Variants in NEDD4L observed in about 807,000 individuals in gnomAD.
The protein encoded by NEDD4L is NEDD4 like E3 ubiquitin protein ligase.
In NEDD4L, 54 loss-of-function variants were observed where a neutral mutation model predicts 148.9. The ratio of observed to expected loss-of-function variants is 0.36; its 90% CI spans 0.29 to 0.45. The LOEUF is 0.45. Among genes scored for constraint, NEDD4L ranks in the 20% least tolerant of loss-of-function variants. The pLI is 1.00. For synonymous variants in NEDD4L, 433 were observed against 440.7 expected, an observed-to-expected ratio of 0.98 and a Z score of 0.22; for missense variants, 856 against 1,233.8, an observed-to-expected ratio of 0.69 and a Z score of 4.59.
intron 1 of NEDD4L, among the ~76,000 whole-genome samples, chr18:58,152,666 C>G (rs944458453): frequency 6.6e-6 from 1 of 152,170 alleles, no homozygotes; most frequent in Non-Finnish European, 1.5e-5. Context: ...TCTGGAGATT[C>G]GGATTCTGGA....
intron 1 of NEDD4L, among the ~76,000 whole-genome samples, chr18:58,083,666 C>T (rs933312245): frequency 1.3e-4 from 19 of 147,150 alleles, no homozygotes; most frequent in South Asian, 2.3e-4. Context: ...CCAGCCTGGG[C>T]GACAGAGCGA....
At chr18:58,326,802 A>G (rs2059349607) in intron 9 of NEDD4L, among the ~76,000 whole-genome samples, 1 of 152,220 alleles carries the variant, frequency 6.6e-6, no homozygotes, top group Non-Finnish European at 1.5e-5. Context: ...TTGGGGACAA[A>G]TAGGGATAAT....
At chr18:58,216,754 G>A (rs935951889) in intron 2 of NEDD4L, among the ~76,000 whole-genome samples, 4 of 152,136 alleles carry the variant, frequency 2.6e-5, no homozygotes, top group African/African-American at 9.7e-5. Context: ...GTGTGAAGAT[G>A]GTGGTAGAGG....
chr18:58,068,611 GA>G (rs2082725559), intron 1 of NEDD4L, among the ~76,000 whole-genome samples: 1 of 152,228 alleles, frequency 6.6e-6, no homozygotes, highest in African/African-American at 2.4e-5. Flanking sequence ...GAGAGAGCTA[GA>G]TGAGGAAGGA....
At chr18:58,137,547 A>C (rs892644822) in intron 1 of NEDD4L, among the ~76,000 whole-genome samples, 1 of 152,146 alleles carries the variant, frequency 6.6e-6, no homozygotes, top group East Asian at 1.9e-4. Flanking sequence ...AAAGTCGCCG[A>C]GCCCAGAGTG....
chr18:58,195,789 CAGG>C, intron 2 of NEDD4L: 2 of 1,105,210 alleles, frequency 1.8e-6, no homozygotes, highest in East Asian at 4.8e-5. Context: ...CCCACAGCAT[CAGG>C]AGAAGGTTCT....
At chr18:58,355,432 A>G (rs1216366376) in intron 18 of NEDD4L, among the ~76,000 whole-genome samples, 2 of 152,374 alleles carry the variant, frequency 1.3e-5, no homozygotes, top group Non-Finnish European at 2.9e-5. Context: ...CGGGAAACCC[A>G]GATGCAGATG....
At position 58,256,081 on chromosome 18, in the gene NEDD4L, G is replaced by A. The variant is rs1240935023; in HGVS notation, c.297+4027G>A. On this transcript the variant is annotated intron_variant, in intron 5 of 30. Coordinates refer to ENST00000400345, the MANE Select transcript of NEDD4L (RefSeq NM_001144967.3). The surrounding 1 kb of genome is among the most constrained non-coding windows in gnomAD (Gnocchi z 5.2). ...AGAGTGGCTCCCGGGAGCCCTCGCCGAGGGACACCCCCGGGAGCTCCCCTC... is the reference window on the plus strand; with the variant it reads ...AGAGTGGCTCCCGGGAGCCCTCGCCAAGGGACACCCCCGGGAGCTCCCCTC... 11 of 1,228,174 alleles carry A rather than the reference G, an allele frequency of 9.0e-6. No homozygotes were observed. In the East Asian group the frequency reaches 2.2e-4, roughly 25 times the overall value. The allele number at this position is 1,228,174 out of a possible 1,614,324, so 76.1% of individuals were successfully genotyped here. A position where few individuals can be genotyped will look rare whatever the true frequency, so the allele number is the denominator to read the frequency against.
chr18:58,210,099 G>A (rs1479274723), intron 2 of NEDD4L, among the ~76,000 whole-genome samples: 3 of 152,198 alleles, frequency 2.0e-5, no homozygotes, highest in African/African-American at 7.2e-5. Context: ...CTGGGAGGCA[G>A]AGGTTGCGGT....
At chr18:58,089,857 T>G (rs1335872832) in intron 1 of NEDD4L, among the ~76,000 whole-genome samples, 3 of 149,310 alleles carry the variant, frequency 2.0e-5, no homozygotes, top group African/African-American at 5.1e-5. Context: ...TTTTTTTTTT[T>G]GAGACAGAGT....
chr18:58,301,198 G>A (rs2056415250), intron 5 of NEDD4L, among the ~76,000 whole-genome samples: 2 of 152,140 alleles, frequency 1.3e-5, no homozygotes, highest in South Asian at 2.1e-4. Flanking sequence ...GCTCATTTAC[G>A]TGTCTGAATA....
intron 5 of NEDD4L, among the ~76,000 whole-genome samples, chr18:58,306,608 A>G (rs2057090428): frequency 1.3e-5 from 2 of 149,524 alleles, no homozygotes; most frequent in Non-Finnish European, 3.0e-5. Context: ...TAGCTCTATG[A>G]CTTTGGGCAA....
rs548352924 is a variant in NEDD4L, at chr18:58,313,936, A to G, written c.298-2046A>G. Among the ~76,000 whole-genome samples the G allele has an allele frequency of 5.9e-5, 9 of 152,384 alleles. No individual in the cohort carries two copies. The East Asian group carries it at 1.2e-3, about 20-fold the overall frequency. On this transcript the variant is annotated intron_variant, in intron 5 of 30. Coordinates refer to ENST00000400345, the MANE Select transcript of NEDD4L (RefSeq NM_001144967.3). ...CTATCAGGCTGTGAAACAGCTTTGA[A>G]TAAGATTGTCTTGTCCTTCTGCTGA...
intron 1 of NEDD4L, chr18:58,054,916 G>C (rs964021906): frequency 6.6e-6 from 1 of 152,126 alleles, no homozygotes; most frequent in African/African-American, 2.4e-5. Context: ...TTAATTTTCA[G>C]TGAATATTAT....
intron 3 of NEDD4L, among the ~76,000 whole-genome samples, chr18:58,247,047 C>T (rs1054185093): frequency 6.6e-6 from 1 of 151,954 alleles, no homozygotes; most frequent in African/African-American, 2.4e-5. Context: ...TCAAAAAAAA[C>T]CCAAAAAACA....
chr18:58,149,504 T>G, intron 1 of NEDD4L: 2 of 1,551,258 alleles, frequency 1.3e-6, no homozygotes, highest in Non-Finnish European at 1.7e-6. Context: ...TTTCCTTTAA[T>G]GCACTAAACC....
At chr18:58,166,344 A>G (rs2036842131) in intron 2 of NEDD4L, among the ~76,000 whole-genome samples, 1 of 152,226 alleles carries the variant, frequency 6.6e-6, no homozygotes, top group South Asian at 2.1e-4. Flanking sequence ...GGAAGCAGCC[A>G]GATCTTTCTG....
At chr18:58,271,938 A>C (rs2148824867) in intron 5 of NEDD4L, among the ~76,000 whole-genome samples, 1 of 152,318 alleles carries the variant, frequency 6.6e-6, no homozygotes, top group Middle Eastern at 3.4e-3. Context: ...ATTAGTTGCT[A>C]ATTTTGGATG....
At chr18:58,386,199 C>G (rs979302882) in intron 26 of NEDD4L, among the ~76,000 whole-genome samples, 2 of 151,592 alleles carry the variant, frequency 1.3e-5, no homozygotes, top group African/African-American at 2.4e-5. Flanking sequence ...ACTACAGGCA[C>G]GCGCCACCAC....
Sources: allele counts gnomAD v4.1 joint callset (sites outside exome capture counted in the v4.1 genomes callset), GRCh38; gene constraint gnomAD v4.1.1; non-coding constraint Gnocchi (gnomAD v3.1); transcripts MANE v1.5; gene names NCBI Gene and HGNC (gene_info 2026-07-23, HGNC 2026-07-21).